Variants in FAT3 observed in about 807,000 individuals in gnomAD.
FAT3 encodes protocadherin Fat 3.
Under a neutral mutation model 310.2 loss-of-function variants are expected in FAT3, and 95 were observed. That is an observed-to-expected ratio of 0.31 (90% confidence interval 0.26 to 0.36). The LOEUF is 0.36. FAT3 is among the 10% of genes least tolerant of loss of function. The pLI, the probability that FAT3 is intolerant of heterozygous loss-of-function variation, is 1.00. For missense variants in FAT3, 5,408 were observed against 5,715.6 expected (o/e 0.95, Z 1.74); for synonymous variants, 2,314 against 2,192.9 (o/e 1.06, Z -1.54).
At chr11:92,710,811 GC>G (rs1443854700) in intron 4 of FAT3, among the ~76,000 whole-genome samples, 2 of 152,180 alleles carry the variant, frequency 1.3e-5, no homozygotes, top group African/African-American at 4.8e-5. Context: ...TTCCTGTCAT[GC>G]CACAAGGGCA....
Position 92,867,406 on chromosome 11 carries a change from A to G in FAT3, c.12127+197A>G, listed in dbSNP as rs144219440. On this transcript the variant is annotated intron_variant, in intron 22 of 27. Coordinates refer to ENST00000525166, the MANE Select transcript of FAT3 (RefSeq NM_001367949.2). Reference sequence around the variant, plus strand: ...ATTACAGGAGTGTCCAGTTTTGCCAATCGTTTGCAGCTTCCCATAGGTGCA... The same window carrying G: ...ATTACAGGAGTGTCCAGTTTTGCCAGTCGTTTGCAGCTTCCCATAGGTGCA... 2.5e-3 allele frequency among the ~76,000 whole-genome samples: 388 copies of G among 152,286 alleles called. 6 individuals are homozygous for G. The East Asian group carries it at 0.029, about 11-fold the overall frequency.
At chr11:92,569,734 A>G (rs1178767450) in intron 3 of FAT3, among the ~76,000 whole-genome samples, 1 of 152,182 alleles carries the variant, frequency 6.6e-6, no homozygotes, top group Non-Finnish European at 1.5e-5. Context: ...CACTGCATTA[A>G]TGTCCCCCCT....
intron 4 of FAT3, among the ~76,000 whole-genome samples, chr11:92,730,835 T>C (rs535712499): frequency 6.6e-6 from 1 of 152,372 alleles, no homozygotes; most frequent in African/African-American, 2.4e-5. Context: ...AAAAAGACTA[T>C]TTTTAATCAT....
rs748624570 is a variant in FAT3 at position 92,799,259 on chromosome 11, A to T, written c.6246A>T (p.Pro2082=). ...VNIEDINDNS[P]VFVGLPYYAA... is the part of the protein sequence containing the mutation. ...TTGAAGACATAAATGACAATTCTCCAGTCTTTGTGGGCCTCCCATACTATG... is the reference window on the plus strand; with the variant it reads ...TTGAAGACATAAATGACAATTCTCCTGTCTTTGTGGGCCTCCCATACTATG... Residue 2082 remains proline, a synonymous_variant, in exon 10 of 28, where the codon CCA becomes CCT. Coordinates refer to ENST00000525166, the MANE Select transcript of FAT3 (RefSeq NM_001367949.2). 2 of 1,613,804 alleles carry T rather than the reference A, an allele frequency of 1.2e-6. No individual in the cohort carries two copies. The highest frequency in any genetic ancestry group is 2.7e-5 in the African/African-American group (2 of 74,910).
At chr11:92,427,507 G>T (rs930386037) in intron 2 of FAT3, among the ~76,000 whole-genome samples, 1 of 152,008 alleles carries the variant, frequency 6.6e-6, no homozygotes, top group Non-Finnish European at 1.5e-5. Flanking sequence ...CTGTGGATTT[G>T]TTTTATATGG....
chr11:92,336,025 C>A, intron 1 of FAT3: 1 of 486,570 alleles, frequency 2.1e-6, no homozygotes, highest in Non-Finnish European at 4.0e-6. Flanking sequence ...CTCCACTCAG[C>A]AACTGGTCAG....
At chr11:92,709,633 T>TCCAGGTAATCCACAAC (rs1457112389) in intron 4 of FAT3, among the ~76,000 whole-genome samples, 3 of 152,180 alleles carry the variant, frequency 2.0e-5, no homozygotes, top group Admixed American at 2.0e-4. Context: ...AGTTTAGGGC[T>TCCAGGTAATCCACAAC]CCAGGTAATC....
chr11:92,590,202 G>A (rs569992278), intron 3 of FAT3, among the ~76,000 whole-genome samples: 1 of 152,232 alleles, frequency 6.6e-6, no homozygotes, highest in Admixed American at 6.5e-5. Context: ...CATGGTATAA[G>A]CAGTATACTG....
At chr11:92,476,192 A>G (rs1422025388) in intron 2 of FAT3, among the ~76,000 whole-genome samples, 1 of 152,148 alleles carries the variant, frequency 6.6e-6, no homozygotes, top group Non-Finnish European at 1.5e-5. Context: ...TGGGATACGC[A>G]TATCAAGAAA....
chr11:92,500,343 A>G (rs1322779657), intron 2 of FAT3, among the ~76,000 whole-genome samples: 1 of 152,060 alleles, frequency 6.6e-6, no homozygotes, highest in Non-Finnish European at 1.5e-5. Flanking sequence ...TTTATGATCT[A>G]TAAGGTATTT....
chr11:92,305,845 A>C (rs1947103639), intron 1 of FAT3, among the ~76,000 whole-genome samples: 1 of 152,158 alleles, frequency 6.6e-6, no homozygotes, highest in South Asian at 2.1e-4. Flanking sequence ...ATCTAAATTC[A>C]GTGTGAGTTC....
chr11:92,617,993 A>G (rs985097323), intron 3 of FAT3, among the ~76,000 whole-genome samples: 5 of 152,188 alleles, frequency 3.3e-5, no homozygotes, highest in Non-Finnish European at 7.3e-5. Context: ...TGGGAGAACC[A>G]CTACTCTCTT....
intron 3 of FAT3, among the ~76,000 whole-genome samples, chr11:92,567,559 T>C (rs1047451718): frequency 1.3e-5 from 2 of 151,644 alleles, no homozygotes; most frequent in African/African-American, 4.8e-5. Context: ...GGACTATAGA[T>C]CATGCTGCTA....
At chr11:92,769,101 G>A (rs1000581392) in intron 6 of FAT3, among the ~76,000 whole-genome samples, 2 of 152,146 alleles carry the variant, frequency 1.3e-5, no homozygotes, top group Non-Finnish European at 2.9e-5. Flanking sequence ...AAGCTGGGTA[G>A]CAAGCAAGAT....
intron 20 of FAT3, 48 bp from the exon 21 acceptor site, chr11:92,859,117 T>C (rs1274052899): frequency 5.1e-6 from 8 of 1,573,464 alleles, no homozygotes; most frequent in Non-Finnish European, 6.9e-6. Context: ...TCTCTGTTCC[T>C]TTCTGGATGT....
intron 3 of FAT3, among the ~76,000 whole-genome samples, chr11:92,554,969 T>A (rs1954965911): frequency 6.6e-6 from 1 of 152,232 alleles, no homozygotes; most frequent in Admixed American, 6.5e-5. Flanking sequence ...TATTCATTTG[T>A]CTGACTGTGC....
rs570606828 is a variant in FAT3 at position 92,469,577 on chromosome 11, C to T, written c.3293-55057C>T. 9.9e-5 allele frequency among the ~76,000 whole-genome samples: 15 copies of T among 151,692 alleles called. 1 individual carries two copies. The highest frequency in any genetic ancestry group is 2.7e-4 in the African/African-American group (11 of 41,342). Reference sequence around the variant, plus strand: ...TCACCCAGGCTGGAGTGCAGTGGTGCGATCTCGGCTCACTGCAACCTCAGT... The same window carrying T: ...TCACCCAGGCTGGAGTGCAGTGGTGTGATCTCGGCTCACTGCAACCTCAGT... On this transcript the variant is annotated intron_variant, in intron 2 of 27. Coordinates refer to ENST00000525166, the MANE Select transcript of FAT3 (RefSeq NM_001367949.2).
chr11:92,435,644 C>T (rs1159338676), intron 2 of FAT3, among the ~76,000 whole-genome samples: 3 of 149,912 alleles, frequency 2.0e-5, no homozygotes, highest in Non-Finnish European at 4.4e-5. Flanking sequence ...TGGCTCATTG[C>T]GACCTCTGCC....
At chr11:92,479,066 A>G (rs951321239) in intron 2 of FAT3, among the ~76,000 whole-genome samples, 3 of 147,436 alleles carry the variant, frequency 2.0e-5, no homozygotes, top group Non-Finnish European at 4.4e-5. Flanking sequence ...CAGCGGGGTT[A>G]TCTTGGTTCA....
Sources: allele counts gnomAD v4.1 joint callset (sites outside exome capture counted in the v4.1 genomes callset), GRCh38; gene constraint gnomAD v4.1.1; transcripts MANE v1.5; gene names NCBI Gene and HGNC (gene_info 2026-07-23, HGNC 2026-07-21).